The following SLC4A4 variants were observed in gnomAD, a reference collection of about 807,000 sequenced individuals.
SLC4A4 encodes the protein electrogenic sodium bicarbonate cotransporter 1.
In SLC4A4, 27 loss-of-function variants were observed where a neutral mutation model predicts 111.5. That is an observed-to-expected ratio of 0.24 (90% CI 0.18 to 0.33). The LOEUF (loss-of-function observed/expected upper bound fraction) is 0.33, where lower values mean the gene tolerates loss of function less well. Ranked by LOEUF, SLC4A4 falls within the 10% of genes least tolerant of loss-of-function variation. The pLI is 1.00. For synonymous variants in SLC4A4, 443 were observed against 463.4 expected (o/e 0.96, Z 0.57); for missense variants, 909 against 1,315.5 (o/e 0.69, Z 4.78).
chr4:71,115,283 A>C (rs1743214465), intron 2 of SLC4A4, among the ~76,000 whole-genome samples: 1 of 151,808 alleles, frequency 6.6e-6, no homozygotes, highest in South Asian at 2.1e-4. Flanking sequence ...ACATGTATAC[A>C]TATGTAACTA....
intron 19 of SLC4A4, 143 bp from the exon 20 acceptor site, chr4:71,547,505 G>A (rs1300233422): frequency 2.8e-6 from 2 of 725,912 alleles, no homozygotes; most frequent in Non-Finnish European, 5.1e-6. Context: ...CTATCCTTGA[G>A]GTATTATTTA....
intron 13 of SLC4A4, among the ~76,000 whole-genome samples, chr4:71,472,304 T>C (rs897165387): frequency 1.3e-5 from 2 of 151,946 alleles, no homozygotes; most frequent in Non-Finnish European, 2.9e-5. Flanking sequence ...AGAAAATATA[T>C]TGATCTTCAT....
At chr4:71,144,222 G>C (rs1006337534) in intron 2 of SLC4A4, among the ~76,000 whole-genome samples, 1 of 152,124 alleles carries the variant, frequency 6.6e-6, no homozygotes, top group Non-Finnish European at 1.5e-5. Context: ...CCCATTTCTT[G>C]TTTTTGTCAT....
intron 2 of SLC4A4, among the ~76,000 whole-genome samples, chr4:71,168,332 C>T (rs1372305681): frequency 3.3e-5 from 5 of 151,858 alleles, no homozygotes; most frequent in Non-Finnish European, 7.4e-5. Context: ...CAGGCCCACG[C>T]CACTGTGCCT....
intron 2 of SLC4A4, among the ~76,000 whole-genome samples, chr4:71,143,566 C>T (rs1158084528): frequency 2.0e-5 from 3 of 152,242 alleles, no homozygotes; most frequent in Admixed American, 6.5e-5. Flanking sequence ...GTCCCATCAA[C>T]AGTGTAAAAG....
chr4:71,213,892 G>A (rs529731015), intron 1 of SLC4A4, among the ~76,000 whole-genome samples: 2 of 152,140 alleles, frequency 1.3e-5, no homozygotes, highest in South Asian at 2.1e-4. Flanking sequence ...GATCTTGGAC[G>A]TCCAAGTCTT....
chr4:71,072,674 G>T (rs1485001407), intron 1 of SLC4A4, among the ~76,000 whole-genome samples: 1 of 151,872 alleles, frequency 6.6e-6, no homozygotes, highest in Non-Finnish European at 1.5e-5. Context: ...AGAGAGAATT[G>T]CTGTCTTCAT....
chr4:71,452,561 G>A (rs552575803), intron 11 of SLC4A4, among the ~76,000 whole-genome samples: 1 of 152,118 alleles, frequency 6.6e-6, no homozygotes, highest in African/African-American at 2.4e-5. Context: ...TAATAGCCAA[G>A]AGTGGAAATA....
At chr4:71,398,257 C>A (rs1230176942) in intron 7 of SLC4A4, among the ~76,000 whole-genome samples, 2 of 150,628 alleles carry the variant, frequency 1.3e-5, no homozygotes, top group Non-Finnish European at 2.9e-5. Context: ...TGTGCTCCAA[C>A]CTCAGTGACA....
Position 71,172,796 on chromosome 4 carries a change from C to G in SLC4A4, c.-1-63780C>G, listed in dbSNP as rs147768491. ...AAACACCAGCACCACCATCAGAACA[C>G]CAAGAAAAAGATTTCCCTCCTCCGC... On this transcript the variant is annotated intron_variant, in intron 2 of 26. Transcript: ENST00000649996. 3.9e-5 allele frequency among the ~76,000 whole-genome samples: 6 copies of G among 152,246 alleles called. No individual in the cohort carries two copies. In the East Asian group the frequency reaches 1.2e-3, roughly 29 times the overall value.
At chr4:71,261,754 C>T (rs1721869698) in intron 3 of SLC4A4, among the ~76,000 whole-genome samples, 1 of 152,154 alleles carries the variant, frequency 6.6e-6, no homozygotes, top group Non-Finnish European at 1.5e-5. Context: ...ACTGGCTATT[C>T]TATTCTAATA....
intron 7 of SLC4A4, among the ~76,000 whole-genome samples, chr4:71,398,200 G>T (rs530949334): frequency 1.3e-5 from 2 of 150,902 alleles, no homozygotes; most frequent in East Asian, 3.9e-4. Flanking sequence ...CATGAGAATC[G>T]CTTGAACCCG....
intron 8 of SLC4A4, among the ~76,000 whole-genome samples, chr4:71,442,691 G>C (rs1484169073): frequency 6.6e-6 from 1 of 152,178 alleles, no homozygotes; most frequent in South Asian, 2.1e-4. Context: ...ATCTGTGTTT[G>C]TGTGTATCTT....
intron 3 of SLC4A4, among the ~76,000 whole-genome samples, chr4:71,289,119 G>A (rs955238159): frequency 6.6e-6 from 1 of 152,138 alleles, no homozygotes; most frequent in Admixed American, 6.5e-5. Context: ...GTACAGGCAG[G>A]AAGGAGTAAA....
chr4:71,292,189 A>G (rs531475205), intron 3 of SLC4A4, among the ~76,000 whole-genome samples: 23 of 152,226 alleles, frequency 1.5e-4, no homozygotes, highest in Non-Finnish European at 1.9e-4. Context: ...ACTTAGGTGT[A>G]ATTAGATGAA....
chr4:71,105,599 G>A (rs1214198362), intron 2 of SLC4A4, among the ~76,000 whole-genome samples: 1 of 145,152 alleles, frequency 6.9e-6, no homozygotes, highest in African/African-American at 2.6e-5. Context: ...ACAGAACAGA[G>A]CCCTCAGAAA....
chr4:71,120,192 C>G (rs781472673), intron 2 of SLC4A4, among the ~76,000 whole-genome samples: 1 of 152,150 alleles, frequency 6.6e-6, no homozygotes, highest in East Asian at 1.9e-4. Context: ...TTTATTTATA[C>G]AAATATAAAT....
At chr4:71,314,537 A>C (rs1475804735) in intron 3 of SLC4A4, among the ~76,000 whole-genome samples, 1 of 152,202 alleles carries the variant, frequency 6.6e-6, no homozygotes, top group African/African-American at 2.4e-5. Flanking sequence ...TCAGTGATTG[A>C]CTGGATATAG....
At chr4:71,561,664 A>G (rs1432213756) in intron 23 of SLC4A4, among the ~76,000 whole-genome samples, 2 of 151,808 alleles carry the variant, frequency 1.3e-5, no homozygotes, top group African/African-American at 4.8e-5. Flanking sequence ...AGGTATATAG[A>G]TTTTGTTTCC....
Sources: allele counts gnomAD v4.1 joint callset (sites outside exome capture counted in the v4.1 genomes callset), GRCh38; gene constraint gnomAD v4.1.1; transcripts MANE v1.5; gene names NCBI Gene and HGNC (gene_info 2026-07-23, HGNC 2026-07-21).